Variants in CFAP92 observed in about 807,000 individuals in gnomAD.
CFAP92 encodes the protein cilia and flagella associated protein 92 (putative).
A neutral mutation model predicts 106.3 loss-of-function variants in CFAP92; 86 were observed. That is an observed-to-expected ratio of 0.81 (90% CI 0.68 to 0.97). The LOEUF (loss-of-function observed/expected upper bound fraction) is 0.97. CFAP92 is among the 50% of genes least tolerant of loss of function. The probability of loss-of-function intolerance (pLI) is 0.00; values close to 1 mark genes in which losing one functional copy is unlikely to be tolerated. For missense variants in CFAP92, 1,204 were observed against 1,283.8 expected, an observed-to-expected ratio of 0.94 and a Z score of 0.95; for synonymous variants, 477 against 506.4, an observed-to-expected ratio of 0.94 and a Z score of 0.78.
chr3:129,003,906 G>A (rs765001893), upstream of CFAP92: 13 of 1,354,908 alleles, frequency 9.6e-6, no homozygotes, highest in South Asian at 2.2e-4. Flanking sequence ...GCGGAGGCCC[G>A]CGCTGGGCGG....
Position 128,945,069 on chromosome 3 carries a change from A to T in CFAP92, c.2258+2T>A, listed in dbSNP as rs1221373875. ...ATGTAAAATGTAAAACAAACCACCT[A>T]CCAGCTTTGGTGGTTCTCCCACAGC... On this transcript the variant is annotated splice_donor_variant, in intron 10 of 15. Transcript: ENST00000645291. LOFTEE classifies it high-confidence loss of function. 1.3e-6 allele frequency: 2 copies of T among 1,510,380 alleles called. No individual in the cohort carries two copies. The highest frequency in any genetic ancestry group is 2.5e-5 in the East Asian group (1 of 40,544). The allele number at this position is 1,510,380 out of a possible 1,614,324, so 93.6% of individuals were successfully genotyped here.
chr3:128,997,176 G>A (rs1224064612), upstream of CFAP92, among the ~76,000 whole-genome samples: 2 of 152,118 alleles, frequency 1.3e-5, no homozygotes, highest in African/African-American at 2.4e-5. Flanking sequence ...TTACTCTGCC[G>A]GGTGGAGGGT....
chr3:128,974,703 C>T (rs1943029008), intron 7 of CFAP92, among the ~76,000 whole-genome samples: 1 of 152,082 alleles, frequency 6.6e-6, no homozygotes, highest in Non-Finnish European at 1.5e-5. Context: ...CGCCTGTAAT[C>T]CCAGCTACTC....
rs1940518478 is a variant in CFAP92 at position 128,948,825 on chromosome 3, C to A, written c.1354-2850G>T. ...GATTACAGGCGTGAGCCACCGTGCC[C>A]AGCCTAGAATATATATTTTTTAAAA... On this transcript the variant is annotated intron_variant, in intron 9 of 15. Coordinates refer to ENST00000645291, the MANE Select transcript of CFAP92 (RefSeq NM_001394090.1). 2.0e-5 allele frequency among the ~76,000 whole-genome samples: 3 copies of A among 152,144 alleles called. No homozygotes were observed. The South Asian group carries it at 6.2e-4, about 31-fold the overall frequency.
At chr3:128,998,883 T>A (rs1039924725), upstream of CFAP92, among the ~76,000 whole-genome samples, 4 of 152,186 alleles carry the variant, frequency 2.6e-5, no homozygotes, top group Non-Finnish European at 5.9e-5. Flanking sequence ...ATGTACACAG[T>A]CATGCAACCA....
chr3:128,994,569 C>T (rs1944408520), upstream of CFAP92, among the ~76,000 whole-genome samples: 1 of 152,212 alleles, frequency 6.6e-6, no homozygotes, highest in South Asian at 2.1e-4. Context: ...CTTAAAATAG[C>T]ATGAGAATTC....
intron 2 of CFAP92, chr3:128,991,919 G>A (rs1240460763): frequency 1.0e-6 from 1 of 980,972 alleles, no homozygotes; most frequent in Non-Finnish European, 1.2e-6. Flanking sequence ...ATATTGGGCT[G>A]GAACCATGTG....
intron 4 of CFAP92, among the ~76,000 whole-genome samples, chr3:128,984,524 C>T (rs61467923): frequency 0.017 from 2,587 of 152,274 alleles, 63 homozygotes; most frequent in African/African-American, 0.059. Flanking sequence ...CAGTGGTTTG[C>T]CGGGGGGCTC....
rs377767186 is a variant in CFAP92 at position 128,987,788 on chromosome 3, C to T, written c.495G>A (p.Ser165=). ...PWHEGDKAWV[S]WEQTFNITVT... ...CAGTGATATTAAAAGTCTGCTCCCA[C>T]GACACCCAGGCTTTGTCACCTTCGT... Residue 165 remains serine, a synonymous_variant, in exon 4 of 16, where the codon TCG becomes TCA. Transcript: ENST00000645291. The T allele has an allele frequency of 6.8e-5, 110 of 1,613,260 alleles. No individual in the cohort carries two copies. The highest frequency in any genetic ancestry group is 6.4e-4 in the African/African-American group (48 of 75,022).
At chr3:129,000,469 T>C (rs982218182) in intron 1 of CFAP92, among the ~76,000 whole-genome samples, 1 of 152,216 alleles carries the variant, frequency 6.6e-6, no homozygotes, top group Non-Finnish European at 1.5e-5. Flanking sequence ...CAAGATTCTG[T>C]CTCTGTCATA....
At chr3:129,025,981 C>T in the CFAP92 span, among the ~76,000 whole-genome samples, 2 of 152,220 alleles carry the variant, frequency 1.3e-5, no homozygotes, top group African/African-American at 2.4e-5. Context: ...TGGAGCCTCC[C>T]GCCTGAGTGC....
chr3:128,945,425 C>T lies in CFAP92; in HGVS notation c.1904G>A (p.Arg635Gln), dbSNP rs1046754132. The T allele has an allele frequency of 4.6e-5, 70 of 1,536,024 alleles. No homozygotes were observed. The highest frequency in any genetic ancestry group is 1.7e-4 in the Middle Eastern group (1 of 6,012). ...CCTCAGTGGCACCGCGATGTCCACTCGCAACTTGAGCTGGGAGTCAGCCTC... is the reference window on the plus strand; with the variant it reads ...CCTCAGTGGCACCGCGATGTCCACTTGCAACTTGAGCTGGGAGTCAGCCTC... ...YLEADSQLKL[R>Q]VDIAVPLRAG... Residue 635 changes from arginine (R) to glutamine (Q), a missense_variant, in exon 10 of 16, where the codon CGA becomes CAA. Arg to Gln is a conservative substitution (Grantham distance 43). Transcript: ENST00000645291.
chr3:128,962,347 A>G (rs942685806), intron 9 of CFAP92, among the ~76,000 whole-genome samples: 12 of 152,124 alleles, frequency 7.9e-5, no homozygotes, highest in Non-Finnish European at 1.8e-4. Context: ...TGTTGTGGGT[A>G]TTGACAGACA....
At chr3:128,989,762 C>T (rs1325044996) in intron 2 of CFAP92, among the ~76,000 whole-genome samples, 1 of 152,216 alleles carries the variant, frequency 6.6e-6, no homozygotes, top group African/African-American at 2.4e-5. Context: ...CAGGAGACTG[C>T]TGCAGCATTA....
intron 9 of CFAP92, among the ~76,000 whole-genome samples, chr3:128,960,272 C>A (rs915127054): frequency 6.6e-6 from 1 of 152,230 alleles, no homozygotes; most frequent in African/African-American, 2.4e-5. Context: ...TGACTCGGAT[C>A]GGGGGACCTC....
chr3:128,956,225 AAAAG>A (rs1293743405), intron 9 of CFAP92, among the ~76,000 whole-genome samples: 2 of 81,680 alleles, frequency 2.4e-5, no homozygotes, highest in Non-Finnish European at 4.1e-5. Context: ...TAAAAAAAAA[AAAAG>A]AAAATAGAAA....
Position 128,915,847 on chromosome 3 carries a change from A to C in CFAP92, c.2916+260T>G, listed in dbSNP as rs1206788386. 5 of 474,126 alleles carry C rather than the reference A, an allele frequency of 1.1e-5. No individual in the cohort carries two copies. In the Admixed American group the frequency reaches 1.1e-4, roughly 11 times the overall value. 29.4% of individuals were successfully genotyped at this position (474,126 alleles called of 1,614,324 possible). ...AAGCAGCAATCATAAAGTGTTCCCCAGAGGTAAGGATGCTACAGTTGTTCT... is the reference window on the plus strand; with the variant it reads ...AAGCAGCAATCATAAAGTGTTCCCCCGAGGTAAGGATGCTACAGTTGTTCT... On this transcript the variant is annotated intron_variant, in intron 13 of 15. Transcript: ENST00000645291.
At chr3:128,983,351 C>T (rs1943646954) in intron 4 of CFAP92, among the ~76,000 whole-genome samples, 1 of 152,202 alleles carries the variant, frequency 6.6e-6, no homozygotes, top group Non-Finnish European at 1.5e-5. Flanking sequence ...CCCACTCGCT[C>T]CTAGAATTCC....
In CFAP92 at chr3:128,993,343, G is replaced by A. The variant is rs1410559060; in HGVS notation, c.-32-7C>T. The A allele has an allele frequency of 1.3e-6, 2 of 1,575,142 alleles. No individual in the cohort carries two copies. The highest frequency in any genetic ancestry group is 1.3e-5 in the African/African-American group (1 of 74,124). ...CTGCTGGCCGCCGGCGCTCCTGGCA[G>A]GGAGAAAGTGAAGGCTGTCCCCGCC... On this transcript the variant is annotated splice_polypyrimidine_tract_variant and splice_region_variant and intron_variant, in intron 1 of 15. Transcript: ENST00000645291.
Sources: gnomAD v4.1 joint callset for allele counts (sites outside exome capture counted in the v4.1 genomes callset) on GRCh38, gnomAD v4.1.1 for gene constraint, MANE v1.5 for transcripts, NCBI Gene and HGNC (gene_info 2026-07-23, HGNC 2026-07-21) for gene names.